TMEM182: variants seen among roughly 807,000 people sequenced by gnomAD.
The protein encoded by TMEM182 is transmembrane protein 182.
Under a neutral mutation model 26.8 loss-of-function variants are expected in TMEM182, and 20 were observed. That is an observed-to-expected ratio of 0.75 (90% confidence interval 0.53 to 1.09). TMEM182 has a LOEUF of 1.09. TMEM182 is among the 50% of genes least tolerant of loss of function. TMEM182 has a pLI of 0.00. For missense variants in TMEM182, 277 were observed against 275.5 expected (o/e 1.01, Z -0.04); for synonymous variants, 109 against 102.2 (o/e 1.07, Z -0.40).
chr2:102,770,194 G>C (rs1680614294), intron 3 of TMEM182, among the ~76,000 whole-genome samples: 1 of 152,118 alleles, frequency 6.6e-6, no homozygotes, highest in Admixed American at 6.6e-5. Context: ...CGAGCAGTCT[G>C]GTGCATTTTC....
rs531756847 is a variant in TMEM182, at chr2:102,805,715, C to T, written c.469+7715C>T. On this transcript the variant is annotated intron_variant, in intron 4 of 4. Transcript: ENST00000412401. ...ATAATGAGGCATCATTAATCTTTAT[C>T]CTGAAAGACGGTTTTCAGATGTGCA... is the stretch of plus-strand genomic sequence containing the variant. 3.2e-3 allele frequency among the ~76,000 whole-genome samples: 488 copies of T among 152,118 alleles called. 2 individuals carry two copies. Among genetic ancestry groups the T allele is most frequent in the Non-Finnish European group, 6.0e-3 (410 of 68,014 alleles).
chr2:102,744,675 A>G (rs1254208539), intron 1 of TMEM182, among the ~76,000 whole-genome samples: 1 of 152,160 alleles, frequency 6.6e-6, no homozygotes, highest in African/African-American at 2.4e-5. Flanking sequence ...ACAGAATTCT[A>G]GATTGACAAG....
intron 3 of TMEM182, among the ~76,000 whole-genome samples, chr2:102,770,881 G>T (rs1308037901): frequency 6.6e-6 from 1 of 152,176 alleles, no homozygotes; most frequent in Non-Finnish European, 1.5e-5. Context: ...TTGGCAGTTT[G>T]AAACAGCACA....
chr2:102,794,805 G>A (rs1681800807), intron 3 of TMEM182, among the ~76,000 whole-genome samples: 1 of 152,028 alleles, frequency 6.6e-6, no homozygotes. Context: ...TTTGGAGTTT[G>A]CTGAGTATCC....
chr2:102,822,015 A>G (rs1682928659), downstream of TMEM182, among the ~76,000 whole-genome samples: 1 of 152,052 alleles, frequency 6.6e-6, no homozygotes, highest in South Asian at 2.1e-4. Context: ...GCAACACTTA[A>G]GATAAATGTT....
intron 3 of TMEM182, among the ~76,000 whole-genome samples, chr2:102,774,008 T>C (rs1348254315): frequency 6.6e-6 from 1 of 152,156 alleles, no homozygotes; most frequent in Non-Finnish European, 1.5e-5. Flanking sequence ...AACTATTTCA[T>C]TTTAGAAATT....
chr2:102,745,496 T>C (rs1012940460), intron 1 of TMEM182, among the ~76,000 whole-genome samples: 3 of 152,132 alleles, frequency 2.0e-5, no homozygotes, highest in Non-Finnish European at 4.4e-5. Context: ...ATAATTCACA[T>C]ACCATGTGAT....
At chr2:102,772,005 C>T (rs1308863377) in intron 3 of TMEM182, among the ~76,000 whole-genome samples, 1 of 152,184 alleles carries the variant, frequency 6.6e-6, no homozygotes, top group African/African-American at 2.4e-5. Context: ...ACTTCTAACC[C>T]AGGCCCAGGA....
At chr2:102,780,483 G>A (rs1334101146) in intron 3 of TMEM182, among the ~76,000 whole-genome samples, 1 of 152,126 alleles carries the variant, frequency 6.6e-6, no homozygotes, top group Non-Finnish European at 1.5e-5. Flanking sequence ...TGACAAAGGT[G>A]GTGGGAGGGC....
At chr2:102,756,016 A>T (rs1182998862) in intron 1 of TMEM182, among the ~76,000 whole-genome samples, 2 of 152,144 alleles carry the variant, frequency 1.3e-5, no homozygotes, top group East Asian at 3.9e-4. Flanking sequence ...TATTGAAGGA[A>T]CTAATGAAGA....
At chr2:102,806,308 G>A (rs1193064422) in intron 4 of TMEM182, among the ~76,000 whole-genome samples, 1 of 152,164 alleles carries the variant, frequency 6.6e-6, no homozygotes, top group Non-Finnish European at 1.5e-5. Flanking sequence ...AAGGGCTGAT[G>A]GGCAGGGGAA....
At chr2:102,764,543 AT>A in intron 3 of TMEM182, 116 bp downstream of exon 3, 1 of 692,196 alleles carries the variant, frequency 1.4e-6, no homozygotes, top group Non-Finnish European at 2.2e-6. Flanking sequence ...TAATTTCAAT[AT>A]TTTTGATATC....
Position 102,816,109 on chromosome 2 carries a change from T to A in TMEM182, c.*1141T>A. ...GGAAAGATGATTCTGTATTATTCAG[T>A]AGCATAGACATTTTGCATATCAAAG... On this transcript the variant is annotated 3_prime_UTR_variant, in exon 5 of 5. Transcript: ENST00000412401. 1.0e-6 allele frequency: 1 copy of A among 985,414 alleles called. No homozygotes were observed. Among genetic ancestry groups the A allele is most frequent in the African/African-American group, 1.7e-5 (1 of 57,346 alleles). 61.0% of individuals were successfully genotyped at this position (985,414 alleles called of 1,614,324 possible).
In TMEM182 at chr2:102,798,014, A is replaced by G. The variant is rs1183007496; in HGVS notation, c.469+14A>G. 8 of 1,599,284 alleles carry G rather than the reference A, an allele frequency of 5.0e-6. No homozygotes were observed. The highest frequency in any genetic ancestry group is 3.4e-5 in the South Asian group (3 of 87,534). On this transcript the variant is annotated intron_variant, in intron 4 of 4. Transcript: ENST00000412401. ...ATATTGCTGCAGGTACGTACGGTGC[A>G]ATGGGTATGACTTTCAGCCACGGTT...
chr2:102,795,811 T>C (rs80076558), intron 3 of TMEM182, among the ~76,000 whole-genome samples: 2 of 152,038 alleles, frequency 1.3e-5, no homozygotes, highest in African/African-American at 4.8e-5. Flanking sequence ...GCCAGAAAGG[T>C]TGAATTCTGA....
chr2:102,814,652 G>A, intron 4 of TMEM182, 96 bp from the exon 5 acceptor site: 1 of 1,059,988 alleles, frequency 9.4e-7, no homozygotes, highest in South Asian at 1.6e-5. Context: ...AAATGTATTT[G>A]CAGGAGCTTG....
At chr2:102,798,142 A>G in intron 4 of TMEM182, 142 bp downstream of exon 4, 1 of 1,111,910 alleles carries the variant, frequency 9.0e-7, no homozygotes, top group Admixed American at 2.9e-5. Flanking sequence ...AACACTAACT[A>G]ATAATATTTG....
At chr2:102,840,272 T>G (rs1683324180) in intron 3 of TMEM182, among the ~76,000 whole-genome samples, 1 of 152,198 alleles carries the variant, frequency 6.6e-6, no homozygotes, top group Non-Finnish European at 1.5e-5. Context: ...GTTATTGACT[T>G]GCTTAACTCT....
chr2:102,776,129 A>G (rs1680906080), intron 3 of TMEM182, among the ~76,000 whole-genome samples: 1 of 152,126 alleles, frequency 6.6e-6, no homozygotes, highest in Non-Finnish European at 1.5e-5. Context: ...TCCTATTATT[A>G]ACATCTTGCT....
Sources: gnomAD v4.1 joint callset for allele counts (sites outside exome capture counted in the v4.1 genomes callset) on GRCh38, gnomAD v4.1.1 for gene constraint, MANE v1.5 for transcripts, NCBI Gene and HGNC (gene_info 2026-07-23, HGNC 2026-07-21) for gene names.